Variants in BBS9 observed in about 807,000 individuals in gnomAD.
The protein encoded by BBS9 is protein PTHB1.
Under a neutral mutation model 117.7 loss-of-function variants are expected in BBS9, and 89 were observed. That is an observed-to-expected ratio of 0.76 (90% CI 0.64 to 0.90). The LOEUF is 0.90. Among genes scored for constraint, BBS9 ranks in the 40% least tolerant of loss-of-function variants. The probability of loss-of-function intolerance (pLI) is 0.00; values close to 1 mark genes in which losing one functional copy is unlikely to be tolerated. For missense variants in BBS9, 982 were observed against 1,042.2 expected (o/e 0.94, Z 0.80); for synonymous variants, 379 against 370.9 (o/e 1.02, Z -0.25).
intron 10 of BBS9, among the ~76,000 whole-genome samples, chr7:33,340,021 T>A: frequency 6.6e-6 from 1 of 151,614 alleles, no homozygotes; most frequent in Non-Finnish European, 1.5e-5. Context: ...GTTTTTTGTT[T>A]AAGATCTTTG....
Position 33,341,905 on chromosome 7 carries a change from G to GTAGAAACA in BBS9, c.1275+933_1275+940dup, listed in dbSNP as rs561783855. On this transcript the variant is annotated intron_variant, in intron 11 of 22. Transcript: ENST00000242067. The stretch of plus-strand genomic sequence containing the variant: ...ATCTCACTGACTGCAGTTTATCTGT[G>GTAGAAACA]TAGAAACAGATGATCACCAACAGAA... 4.3e-4 allele frequency among the ~76,000 whole-genome samples: 66 copies of GTAGAAACA among 152,198 alleles called. 1 individual carries two copies. The East Asian group carries it at 0.012, about 27-fold the overall frequency.
At chr7:33,268,154 C>G (rs947718687) in intron 7 of BBS9, among the ~76,000 whole-genome samples, 6 of 152,168 alleles carry the variant, frequency 3.9e-5, no homozygotes, top group African/African-American at 9.7e-5. Flanking sequence ...ATCTTATACC[C>G]TGTGTGAATG....
chr7:33,577,109 A>G (rs1187934995), intron 21 of BBS9, among the ~76,000 whole-genome samples: 1 of 152,226 alleles, frequency 6.6e-6, no homozygotes, highest in Non-Finnish European at 1.5e-5. Flanking sequence ...CATCAGAGTG[A>G]ACAGGCAACC....
exon 22 of BBS9, among the ~76,000 whole-genome samples, chr7:33,635,461 C>T (rs1866099096): frequency 6.6e-6 from 1 of 152,216 alleles, no homozygotes; most frequent in Non-Finnish European, 1.5e-5. Flanking sequence ...GGCCCTGGAA[C>T]CAGCCCCCCA....
chr7:33,428,139 T>C (rs757043883), intron 19 of BBS9, among the ~76,000 whole-genome samples: 3 of 152,104 alleles, frequency 2.0e-5, no homozygotes, highest in Admixed American at 6.5e-5. Flanking sequence ...ATATTAATAA[T>C]TGCACCAGAA....
In BBS9 at chr7:33,257,348, C is replaced by T. The variant is rs35440033; in HGVS notation, c.555C>T (p.Ala185=). 2,388 of 1,613,902 alleles carry T rather than the reference C, an allele frequency of 1.5e-3. 34 individuals are homozygous for T. The African/African-American group carries it at 0.028, about 19-fold the overall frequency. ...GCTTTCTTCTGCCTGGTCCTCTTGCCTACAGTTCCCGTACAGATTCCTTCC... is the reference window on the plus strand; with the variant it reads ...GCTTTCTTCTGCCTGGTCCTCTTGCTTACAGTTCCCGTACAGATTCCTTCC... ...LPGFLLPGPL[A]YSSRTDSFLT... is the part of the protein sequence containing the mutation. The change falls in exon 6 of 23, where the codon GCC becomes GCT. Residue 185 remains alanine, a synonymous_variant. Transcript: ENST00000242067.
chr7:33,165,414 A>T (rs990606632), intron 4 of BBS9, among the ~76,000 whole-genome samples: 11 of 152,120 alleles, frequency 7.2e-5, no homozygotes, highest in African/African-American at 1.4e-4. Context: ...GATAATATCC[A>T]GCAGAGTGTT....
rs1031178519 is a variant in BBS9 at position 33,388,442 on chromosome 7, C to T, written c.2115+298C>T. On this transcript the variant is annotated intron_variant, in intron 19 of 22. Transcript: ENST00000242067. ...AAAGCAACAAGAACAATGCCAGGCA[C>T]GTAATATGTGCTTGATAAATAGTAG... Among the ~76,000 whole-genome samples, 9 of 152,090 alleles carry T rather than the reference C, an allele frequency of 5.9e-5. No homozygotes were observed. In the East Asian group the frequency reaches 9.6e-4, roughly 16 times the overall value.
At chr7:33,141,770 C>T (rs999298738) in intron 1 of BBS9, among the ~76,000 whole-genome samples, 5 of 151,884 alleles carry the variant, frequency 3.3e-5, no homozygotes, top group Non-Finnish European at 7.4e-5. Flanking sequence ...ATAGTTACAC[C>T]CTCCTGTAAA....
chr7:33,554,006 GAGA>G (rs1854885304), intron 21 of BBS9, among the ~76,000 whole-genome samples: 1 of 152,100 alleles, frequency 6.6e-6, no homozygotes. Context: ...CTTCTGTGAG[GAGA>G]AGGATGAAGA....
At chr7:33,376,267 A>G (rs1417763072) in intron 17 of BBS9, among the ~76,000 whole-genome samples, 1 of 152,016 alleles carries the variant, frequency 6.6e-6, no homozygotes, top group East Asian at 1.9e-4. Context: ...CCTACTTATA[A>G]GTGAGAATAT....
At position 33,374,620 on chromosome 7, in the gene BBS9, G is replaced by A. The variant is rs192449546; in HGVS notation, c.1789+6758G>A. On this transcript the variant is annotated intron_variant, in intron 17 of 22. Transcript: ENST00000242067. ...ATTTAAAATGTTAAACCTACCAAAA[G>A]GCCGGGCGTGGTGGCTCACGCCTGT... Among the ~76,000 whole-genome samples, 327 of 152,212 alleles carry A rather than the reference G, an allele frequency of 2.1e-3. 1 individual carries two copies. Among genetic ancestry groups the A allele is most frequent in the African/African-American group, 7.6e-3 (316 of 41,540 alleles).
chr7:33,556,272 TAA>T (rs1417333511), intron 21 of BBS9, among the ~76,000 whole-genome samples: 1 of 152,194 alleles, frequency 6.6e-6, no homozygotes, highest in African/African-American at 2.4e-5. Flanking sequence ...ACTTTCTAAT[TAA>T]AGTCATGACA....
chr7:33,329,476 G>A (rs10951385), intron 9 of BBS9, among the ~76,000 whole-genome samples: 151,605 of 152,310 alleles, frequency 1, 75,457 homozygotes, highest in East Asian at 1. Flanking sequence ...GCAGTATTAT[G>A]TTTTACTTTT....
At chr7:33,171,114 A>G (rs1796492891) in intron 4 of BBS9, among the ~76,000 whole-genome samples, 1 of 152,130 alleles carries the variant, frequency 6.6e-6, no homozygotes, top group South Asian at 2.1e-4. Flanking sequence ...TTTAAAGTTC[A>G]TATGGAATGA....
At chr7:33,600,816 G>A (rs1024752550) in intron 21 of BBS9, among the ~76,000 whole-genome samples, 8 of 152,160 alleles carry the variant, frequency 5.3e-5, no homozygotes, top group African/African-American at 1.2e-4. Flanking sequence ...TCTGGATGAT[G>A]TCTTGTTACC....
intron 5 of BBS9, among the ~76,000 whole-genome samples, chr7:33,199,405 CAAGATTAACT>C (rs1455505752): frequency 1.3e-5 from 2 of 151,824 alleles, no homozygotes; most frequent in African/African-American, 4.8e-5. Context: ...CCCCCAGTTT[CAAGATTAACT>C]GGCAATAGCT....
intron 19 of BBS9, among the ~76,000 whole-genome samples, chr7:33,415,105 A>G (rs531009711): frequency 6.6e-6 from 1 of 152,276 alleles, no homozygotes; most frequent in Admixed American, 6.5e-5. Flanking sequence ...TGGAAAAACC[A>G]ATGACCTTCA....
At chr7:33,453,607 T>C (rs1055570529) in intron 19 of BBS9, among the ~76,000 whole-genome samples, 2 of 151,848 alleles carry the variant, frequency 1.3e-5, no homozygotes, top group East Asian at 3.9e-4. Context: ...TTGCAACCTC[T>C]GCCTCCCAGG....
Sources: allele counts gnomAD v4.1 joint callset (sites outside exome capture counted in the v4.1 genomes callset), GRCh38; gene constraint gnomAD v4.1.1; transcripts MANE v1.5; gene names NCBI Gene and HGNC (gene_info 2026-07-23, HGNC 2026-07-21).